ROBO3: variants seen among roughly 807,000 people sequenced by gnomAD.
The protein encoded by ROBO3 is roundabout guidance receptor 3.
In ROBO3, 97 loss-of-function variants were observed where a neutral mutation model predicts 160.5. The observed-to-expected ratio is 0.60, with a 90% CI of 0.51 to 0.72. ROBO3 has a LOEUF of 0.72. Ranked by LOEUF, ROBO3 falls within the 30% of genes least tolerant of loss-of-function variation. ROBO3 has a pLI of 0.00. For synonymous variants in ROBO3, 780 were observed against 746.2 expected (o/e 1.05, Z -0.74); for missense variants, 1,858 against 1,846.5 (o/e 1.01, Z -0.11).
chr11:124,871,070 G>A lies in ROBO3; in HGVS notation c.1090G>A (p.Val364Met), dbSNP rs1487324750. 19 of 1,613,782 alleles carry A rather than the reference G, an allele frequency of 1.2e-5. 1 individual carries two copies. Among genetic ancestry groups the A allele is most frequent in the Admixed American group, 3.3e-5 (2 of 60,014 alleles). Reference protein sequence around the residue: ...QDQMAAPGESVAFQCETKGNP... With the variant: ...QDQMAAPGESMAFQCETKGNP... ...CCAGATGGCAGCTCCTGGAGAGAGC[G>A]TGGCTTTCCAGTGCGAGACCAAAGG... Residue 364 changes from valine to methionine, a missense_variant, in exon 7 of 28, where the codon GTG becomes ATG. Coordinates refer to ENST00000397801, the MANE Select transcript of ROBO3 (RefSeq NM_022370.4).
rs1946187617 is a variant in ROBO3 at position 124,865,723 on chromosome 11, A to G, written c.146A>G (p.Asp49Gly). 1.2e-5 allele frequency: 20 copies of G among 1,608,864 alleles called. No homozygotes were observed. The highest frequency in any genetic ancestry group is 1.6e-5 in the Non-Finnish European group (19 of 1,178,462). ...AACCACACCCTGCTGCCTCCCGGCG[A>G]TCCCTCTCTCAACGGTGAGACCCTG... The part of the protein sequence containing the change: ...ALNHTLLPPG[D>G]PSLNGSRVGP... The change falls in exon 1 of 28, where the codon GAT (aspartate) becomes GGT (glycine). Residue 49 changes from aspartate (D) to glycine (G), a missense_variant. Coordinates refer to ENST00000397801, the MANE Select transcript of ROBO3 (RefSeq NM_022370.4). This position sits in a 1 kb window ranked among gnomAD's most constrained non-coding sequence, Gnocchi z 5.5.
In ROBO3 at chr11:124,874,795, C is replaced by A. The variant is rs1448850316; in HGVS notation, c.1959C>A (p.Ser653Arg). The A allele has an allele frequency of 3.1e-6, 5 of 1,605,348 alleles. No homozygotes were observed. Among genetic ancestry groups the A allele is most frequent in the Middle Eastern group, 1.7e-4 (1 of 6,020 alleles). The change falls in exon 13 of 28, where the codon AGC (serine) becomes AGA (arginine). Residue 653 changes from serine to arginine, a missense_variant. Ser to Arg is a moderately radical substitution (Grantham distance 110). Transcript: ENST00000397801. ...GGGTTCCTTGGTCAACAGATAGCAG[C>A]CCCTCTAGGCCAGTGGAGGACCCAT... ...VSEPVRTQDS[S>R]PSRPVEDPWR...
chr11:124,879,852 G>T lies in ROBO3; in HGVS notation c.3862G>T (p.Ala1288Ser), dbSNP rs753950047. The T allele has an allele frequency of 6.2e-7, 1 of 1,613,760 alleles. No individual in the cohort carries two copies. ...GAGCTGGGCCCTAGAGCTGAGGGCA[G>T]CAGGCAGCATGTCCTCCCTGGAGCG... Reference protein sequence around the residue: ...EASWALELRAAGSMSSLERER... With the variant: ...EASWALELRASGSMSSLERER... Residue 1288 changes from alanine (A) to serine (S), a missense_variant, in exon 26 of 28, where the codon GCA becomes TCA. By Grantham distance (99) the Ala-to-Ser change is moderately conservative. Transcript: ENST00000397801.
chr11:124,879,764 G>A (rs370190317), intron 25 of ROBO3, 23 bp from the exon 26 acceptor site: 11 of 1,608,096 alleles, frequency 6.8e-6, no homozygotes, highest in African/African-American at 2.7e-5. Context: ...AGGAGGCTCC[G>A]CTGAAAACAG....
rs1439914102 is a variant in ROBO3, at chr11:124,870,643, G to T, written c.948G>T (p.Val316=). 6.2e-7 allele frequency: 1 copy of T among 1,613,492 alleles called. No homozygotes were observed. Among genetic ancestry groups the T allele is most frequent in the Non-Finnish European group, 8.5e-7 (1 of 1,179,802 alleles). ...ACCACAGCCTTTGGATTGGGCATGT[G>T]AGTGCCGAAGATGAGGGAACGTACA... ...RSDHSLWIGH[V]SAEDEGTYTC... is the part of the protein sequence containing the mutation. The change falls in exon 6 of 28, where the codon GTG becomes GTT. Residue 316 remains valine (V), a synonymous_variant. Transcript: ENST00000397801.
rs1233504392 is a variant in ROBO3, at chr11:124,878,305, G to C, written c.3189G>C (p.Lys1063Asn). The change falls in exon 22 of 28, where the codon AAG becomes AAC. Residue 1063 changes from lysine (K) to asparagine (N), a missense_variant. Lys to Asn is a moderately conservative substitution (Grantham distance 94). Transcript: ENST00000397801. The surrounding 1 kb of genome is among the most constrained non-coding windows in gnomAD (Gnocchi z 4.3). ...CCATCCTATTCTCCTCAGGAGCCAAGGGAGGCAAAGTGAAGCTTCTGGGGA... is the reference window on the plus strand; with the variant it reads ...CCATCCTATTCTCCTCAGGAGCCAACGGAGGCAAAGTGAAGCTTCTGGGGA... ...PEWSQGDSGA[K>N]GGKVKLLGKP... 1.9e-6 allele frequency: 3 copies of C among 1,613,088 alleles called. No individual in the cohort carries two copies.
In ROBO3 at chr11:124,870,631, G is replaced by A. The variant is rs1361718346; in HGVS notation, c.936G>A (p.Trp312Ter). Reference sequence around the variant, plus strand: ...AGATCCGGAGTGACCACAGCCTTTGGATTGGGCATGTGAGTGCCGAAGATG... The same window carrying A: ...AGATCCGGAGTGACCACAGCCTTTGAATTGGGCATGTGAGTGCCGAAGATG... ...RYEIRSDHSL[W>*]IGHVSAEDEG... The change falls in exon 6 of 28, where the codon TGG becomes TGA. Residue 312 changes from tryptophan to a stop codon, truncating the protein, a stop_gained. Coordinates refer to ENST00000397801, the MANE Select transcript of ROBO3 (RefSeq NM_022370.4). LOFTEE classifies it high-confidence loss of function. 1.2e-6 allele frequency: 2 copies of A among 1,613,646 alleles called. No homozygotes were observed. The highest frequency in any genetic ancestry group is 1.7e-6 in the Non-Finnish European group (2 of 1,179,838).
chr11:124,871,015 C>A lies in ROBO3; in HGVS notation c.1035C>A (p.Val345=). The stretch of plus-strand genomic sequence containing the variant: ...CTTTTTCTCACCTGCCCTTCCCAGT[C>A]CCACCCCAGTTGGTGACCCAGCCCC... ...AEASGSLSVH[V]PPQLVTQPQD... The change falls in exon 7 of 28, where the codon GTC becomes GTA. Residue 345 remains valine, a splice_region_variant and synonymous_variant. Transcript: ENST00000397801. 1 of 1,606,558 alleles carries A rather than the reference C, an allele frequency of 6.2e-7. No homozygotes were observed.
Position 124,869,694 on chromosome 11 carries a change from A to C in ROBO3, c.645+87A>C, listed in dbSNP as rs1465353382. On this transcript the variant is annotated intron_variant, in intron 3 of 27. Transcript: ENST00000397801. The surrounding 1 kb of genome is among the most constrained non-coding windows in gnomAD (Gnocchi z 4.2). ...CAAGGCTGGAGATTGAGATCAGGGCATTAGCTAACCAGAGACTAAGAGTCA... is the reference window on the plus strand; with the variant it reads ...CAAGGCTGGAGATTGAGATCAGGGCCTTAGCTAACCAGAGACTAAGAGTCA... 1 of 1,409,886 alleles carries C rather than the reference A, an allele frequency of 7.1e-7. No individual in the cohort carries two copies. Among genetic ancestry groups the C allele is most frequent in the Non-Finnish European group, 9.6e-7 (1 of 1,046,886 alleles). The allele number at this position is 1,409,886 out of a possible 1,614,324, so 87.3% of individuals were successfully genotyped here. A position where few individuals can be genotyped will look rare whatever the true frequency, so the allele number is the denominator to read the frequency against.
intron 26 of ROBO3, 34 bp downstream of exon 26, chr11:124,879,982 G>A (rs1218581962): frequency 1.3e-6 from 2 of 1,520,888 alleles, no homozygotes; most frequent in Admixed American, 2.1e-5. Context: ...GAGGGCTGCT[G>A]CCACAGGAGA....
chr11:124,871,183 G>A (rs746070170), intron 7 of ROBO3, 45 bp downstream of exon 7: 13 of 1,573,454 alleles, frequency 8.3e-6, no homozygotes, highest in Admixed American at 3.5e-5. Context: ...CTTCCTCTGC[G>A]GCTCAGCCTC....
chr11:124,873,175 A>G lies in ROBO3; in HGVS notation c.1536+86A>G, dbSNP rs1946302379. On this transcript the variant is annotated intron_variant, in intron 9 of 27. Coordinates refer to ENST00000397801, the MANE Select transcript of ROBO3 (RefSeq NM_022370.4). This position sits in a 1 kb window ranked among gnomAD's most constrained non-coding sequence, Gnocchi z 4.5. ...ACAAGTAAGTACTCACTGGGCCTGT[A>G]GCCCCATCTTTACCCCTCTGTTCTC... The G allele has an allele frequency of 2.1e-5, 31 of 1,460,954 alleles. No individual in the cohort carries two copies. In the South Asian group the frequency reaches 3.8e-4, roughly 18 times the overall value. 90.5% of individuals were successfully genotyped at this position (1,460,954 alleles called of 1,614,324 possible).
rs1430059740 is a variant in ROBO3, at chr11:124,869,890, A to G, written c.646-58A>G. The G allele has an allele frequency of 6.6e-7, 1 of 1,520,988 alleles. No homozygotes were observed. The highest frequency in any genetic ancestry group is 8.9e-7 in the Non-Finnish European group (1 of 1,119,236). 94.2% of individuals were successfully genotyped at this position (1,520,988 alleles called of 1,614,324 possible). A position where few individuals can be genotyped will look rare whatever the true frequency, so the allele number is the denominator to read the frequency against. ...ATATGTATATACACATATATTCACC[A>G]TATATATATACGCTGTGATAGCTGA... On this transcript the variant is annotated intron_variant, in intron 3 of 27. Coordinates refer to ENST00000397801, the MANE Select transcript of ROBO3 (RefSeq NM_022370.4). The surrounding 1 kb of genome is among the most constrained non-coding windows in gnomAD (Gnocchi z 4.2).
At position 124,874,843 on chromosome 11, in the gene ROBO3, G is replaced by C. The variant is rs753075502; in HGVS notation, c.2007G>C (p.Ala669=). Residue 669 remains alanine (A), a synonymous_variant, in exon 13 of 28, where the codon GCG becomes GCC. Coordinates refer to ENST00000397801, the MANE Select transcript of ROBO3 (RefSeq NM_022370.4). ...EDPWRGQQGL[A]EVAVRLQEPI... ...CATGGAGAGGCCAGCAGGGACTGGC[G>C]GAAGTGGCTGTGCGCCTGCAGGAGC... The C allele has an allele frequency of 2.6e-5, 41 of 1,601,548 alleles. No homozygotes were observed. Among genetic ancestry groups the C allele is most frequent in the Non-Finnish European group, 3.4e-5 (40 of 1,174,318 alleles).
At chr11:124,879,161 A>G (rs1305429577) in intron 23 of ROBO3, 29 bp from the exon 24 acceptor site, 1 of 1,546,374 alleles carries the variant, frequency 6.5e-7, no homozygotes, top group South Asian at 1.2e-5. Context: ...TGTGGAGGGA[A>G]CAGAGGCTGC....
In ROBO3 at chr11:124,878,689, C is replaced by T; in HGVS notation, c.3426C>T (p.Pro1142=). The change falls in exon 23 of 28, where the codon CCC becomes CCT. Residue 1142 remains proline (P), a synonymous_variant. Coordinates refer to ENST00000397801, the MANE Select transcript of ROBO3 (RefSeq NM_022370.4). This position sits in a 1 kb window ranked among gnomAD's most constrained non-coding sequence, Gnocchi z 4.3. ...CLVTPSRRET[P]SPTPSYGQQS... ...TCACCCCATCCCGAAGGGAAACCCC[C>T]TCTCCCACACCTTCCTATGGACAGC... 2 of 1,613,820 alleles carry T rather than the reference C, an allele frequency of 1.2e-6. No homozygotes were observed.
rs1325644522 is a variant in ROBO3, at chr11:124,869,499, G to A, written c.537G>A (p.Val179=). Residue 179 remains valine, a synonymous_variant, in exon 3 of 28, where the codon GTG becomes GTA. Coordinates refer to ENST00000397801, the MANE Select transcript of ROBO3 (RefSeq NM_022370.4). This position sits in a 1 kb window ranked among gnomAD's most constrained non-coding sequence, Gnocchi z 4.2. The stretch of plus-strand genomic sequence containing the variant: ...CTCCTGGAAACGTGGTGGTGGCAGT[G>A]GGGGAGCCAGCAGTACTGGAATGCG... ...RQSPGNVVVA[V]GEPAVLECVP... is the part of the protein sequence containing the mutation. The A allele has an allele frequency of 1.3e-6, 2 of 1,556,772 alleles. No homozygotes were observed. The highest frequency in any genetic ancestry group is 1.9e-5 in the Admixed American group (1 of 51,970).
In ROBO3 at chr11:124,877,194, C is replaced by T. The variant is rs1321501654; in HGVS notation, c.2803+10C>T. The T allele has an allele frequency of 3.7e-6, 6 of 1,613,964 alleles. No homozygotes were observed. The highest frequency in any genetic ancestry group is 1.1e-5 in the South Asian group (1 of 91,092). On this transcript the variant is annotated intron_variant, in intron 18 of 27. Transcript: ENST00000397801. ...GCCTACACACCGGCAGGTAAGCCATCTCTGCCCCAGTGGGGTTCAGACCCC... is the reference window on the plus strand; with the variant it reads ...GCCTACACACCGGCAGGTAAGCCATTTCTGCCCCAGTGGGGTTCAGACCCC...
rs1214397307 is a variant in ROBO3 at position 124,881,373 on chromosome 11, G to A, written c.*123G>A. On this transcript the variant is annotated 3_prime_UTR_variant, in exon 28 of 28. Coordinates refer to ENST00000397801, the MANE Select transcript of ROBO3 (RefSeq NM_022370.4). ...CCATTGGTTTCCACGATTTCAATTG[G>A]CTGAGAAGGCAGAGAGCTAGCTCCT... is the stretch of plus-strand genomic sequence containing the variant. The A allele has an allele frequency of 1.1e-6, 1 of 936,232 alleles. No individual in the cohort carries two copies. Among genetic ancestry groups the A allele is most frequent in the East Asian group, 2.6e-5 (1 of 37,770 alleles). The allele number at this position is 936,232 out of a possible 1,614,324, so 58.0% of individuals were successfully genotyped here. A position where few individuals can be genotyped will look rare whatever the true frequency, so the allele number is the denominator to read the frequency against.
Sources: gnomAD v4.1 joint callset for allele counts on GRCh38, gnomAD v4.1.1 for gene constraint, Gnocchi (gnomAD v3.1) non-coding constraint, MANE v1.5 for transcripts, NCBI Gene and HGNC (gene_info 2026-07-23, HGNC 2026-07-21) for gene names.